Variants in CNTNAP2 observed in about 807,000 individuals in gnomAD.
CNTNAP2 encodes the protein contactin-associated protein-like 2.
A neutral mutation model predicts 155.2 loss-of-function variants in CNTNAP2; 98 were observed. That is an observed-to-expected ratio of 0.63 (90% CI 0.54 to 0.75). The LOEUF is 0.75. Among genes scored for constraint, CNTNAP2 ranks in the 30% least tolerant of loss-of-function variants. The probability of loss-of-function intolerance (pLI) is 0.00; values close to 1 mark genes in which losing one functional copy is unlikely to be tolerated. For synonymous variants in CNTNAP2, 651 were observed against 631.2 expected (o/e 1.03, Z -0.47); for missense variants, 1,727 against 1,688.1 (o/e 1.02, Z -0.40).
At chr7:148,006,316 CTTTTTT>C (rs68011639) in intron 15 of CNTNAP2, among the ~76,000 whole-genome samples, 6,078 of 119,024 alleles carry the variant, frequency 0.051, 272 homozygotes, top group East Asian at 0.27. Context: ...ATAGGAAGTT[CTTTTTT>C]TTTTTTTTTT....
intron 4 of CNTNAP2, among the ~76,000 whole-genome samples, chr7:147,073,100 C>T (rs1012892066): frequency 5.5e-5 from 8 of 145,192 alleles, no homozygotes; most frequent in African/African-American, 1.6e-4. Flanking sequence ...GATCCACCCG[C>T]CTCGGCCTCC....
At chr7:147,191,769 C>A (rs1802684313) in intron 8 of CNTNAP2, among the ~76,000 whole-genome samples, 1 of 152,086 alleles carries the variant, frequency 6.6e-6, no homozygotes, top group Non-Finnish European at 1.5e-5. Context: ...AGTCTCCAAA[C>A]CCTTCACGAA....
At chr7:147,731,133 T>G (rs6965796) in intron 13 of CNTNAP2, among the ~76,000 whole-genome samples, 1 of 152,038 alleles carries the variant, frequency 6.6e-6, no homozygotes, top group African/African-American at 2.4e-5. Context: ...ATGTAGAAGC[T>G]GCAACAAGTT....
chr7:146,989,597 AT>A (rs1402692716), intron 3 of CNTNAP2, among the ~76,000 whole-genome samples: 1 of 152,130 alleles, frequency 6.6e-6, no homozygotes, highest in Non-Finnish European at 1.5e-5. Context: ...ATGATTTTAA[AT>A]TTCCAAATCT....
intron 11 of CNTNAP2, among the ~76,000 whole-genome samples, chr7:147,553,962 A>C (rs911459027): frequency 6.6e-6 from 1 of 152,170 alleles, no homozygotes; most frequent in Admixed American, 6.5e-5. Flanking sequence ...CTCTATCTCA[A>C]AAGAAAAGAA....
chr7:146,767,148 T>C (rs1802209894), intron 1 of CNTNAP2, among the ~76,000 whole-genome samples: 1 of 152,170 alleles, frequency 6.6e-6, no homozygotes, highest in Non-Finnish European at 1.5e-5. Context: ...GTGAACTTAT[T>C]TGTAGACTCT....
intron 1 of CNTNAP2, among the ~76,000 whole-genome samples, chr7:146,578,318 G>T (rs983410385): frequency 6.6e-6 from 1 of 151,960 alleles, no homozygotes; most frequent in African/African-American, 2.4e-5. Flanking sequence ...ATTCAATTTT[G>T]CTCAGAGAAC....
intron 15 of CNTNAP2, among the ~76,000 whole-genome samples, chr7:148,004,276 T>C (rs1179571932): frequency 1.3e-5 from 2 of 152,200 alleles, no homozygotes; most frequent in Non-Finnish European, 1.5e-5. Context: ...TAGTATGTGA[T>C]TAAGCCTTCT....
At chr7:146,532,141 G>T (rs1797779683) in intron 1 of CNTNAP2, among the ~76,000 whole-genome samples, 1 of 151,494 alleles carries the variant, frequency 6.6e-6, no homozygotes, top group Non-Finnish European at 1.5e-5. Flanking sequence ...AATGAGGAGA[G>T]AAATGAAAAT....
chr7:148,045,987 A>G lies in CNTNAP2; in HGVS notation c.2383+67998A>G, dbSNP rs183759961. Among the ~76,000 whole-genome samples the G allele has an allele frequency of 1.0e-3, 155 of 152,392 alleles. 1 individual carries two copies. Among genetic ancestry groups the G allele is most frequent in the Middle Eastern group, 3.4e-3 (1 of 294 alleles). On this transcript the variant is annotated intron_variant, in intron 15 of 23. Coordinates refer to ENST00000361727, the MANE Select transcript of CNTNAP2 (RefSeq NM_014141.6). Reference sequence around the variant, plus strand: ...TGTGAAAACACATAAGTAATTACATAATACATTATGATCAAAATTAGATAC... The same window carrying G: ...TGTGAAAACACATAAGTAATTACATGATACATTATGATCAAAATTAGATAC...
intron 1 of CNTNAP2, among the ~76,000 whole-genome samples, chr7:146,389,703 C>CTTTTTTTTTTTTTTTTTTTT (rs750823074): frequency 3.1e-5 from 4 of 128,998 alleles, no homozygotes; most frequent in Non-Finnish European, 5.0e-5. Flanking sequence ...TTTCTTTTTT[C>CTTTTTTTTTTTTTTTTTTTT]TTTTTTTTTT....
chr7:147,148,036 A>G (rs1374373865), intron 8 of CNTNAP2, among the ~76,000 whole-genome samples: 2 of 152,224 alleles, frequency 1.3e-5, no homozygotes, highest in African/African-American at 4.8e-5. Context: ...GTATAGATAA[A>G]TACATAAAAC....
chr7:146,344,534 C>T lies in CNTNAP2; in HGVS notation c.97+227561C>T, dbSNP rs972854343. On this transcript the variant is annotated intron_variant, in intron 1 of 23. Coordinates refer to ENST00000361727, the MANE Select transcript of CNTNAP2 (RefSeq NM_014141.6). ...TCACTTTGTAGCCCAGGCTGGAGTT[C>T]AATGGCATGATCTCGGCTCACTTCA... Among the ~76,000 whole-genome samples the T allele has an allele frequency of 4.9e-5, 7 of 143,458 alleles. No individual in the cohort carries two copies. The East Asian group carries it at 1.2e-3, about 25-fold the overall frequency. 94.1% of individuals were successfully genotyped at this position (143,458 alleles called of 152,430 possible).
At position 147,616,614 on chromosome 7, in the gene CNTNAP2, T is replaced by C. The variant is rs1801298757; in HGVS notation, c.1898-22492T>C. On this transcript the variant is annotated intron_variant, in intron 12 of 23. Transcript: ENST00000361727. ...CATATCATTCCGAAATTTGCTCAAA[T>C]ATTAGGATCTCCCTTACCAATCTGC... Among the ~76,000 whole-genome samples, 5 of 152,324 alleles carry C rather than the reference T, an allele frequency of 3.3e-5. No homozygotes were observed. The South Asian group carries it at 1.0e-3, about 32-fold the overall frequency.
chr7:146,791,142 C>T (rs1410070999), intron 2 of CNTNAP2, among the ~76,000 whole-genome samples: 1 of 151,820 alleles, frequency 6.6e-6, no homozygotes, highest in Non-Finnish European at 1.5e-5. Context: ...TCCCTGTGTC[C>T]ATGTGTTCTC....
At chr7:147,076,574 T>G (rs978633636) in intron 4 of CNTNAP2, among the ~76,000 whole-genome samples, 1 of 152,224 alleles carries the variant, frequency 6.6e-6, no homozygotes, top group Non-Finnish European at 1.5e-5. Context: ...AATAAATTTC[T>G]AAGTGAAATC....
intron 1 of CNTNAP2, among the ~76,000 whole-genome samples, chr7:146,620,828 T>C (rs1799304974): frequency 6.6e-6 from 1 of 152,204 alleles, no homozygotes; most frequent in Admixed American, 6.5e-5. Context: ...TCTGCTTTTT[T>C]ACTTTCTTTC....
intron 12 of CNTNAP2, among the ~76,000 whole-genome samples, chr7:147,581,134 T>C (rs1192393229): frequency 1.3e-5 from 2 of 152,196 alleles, no homozygotes; most frequent in Non-Finnish European, 2.9e-5. Flanking sequence ...GAGTCAACCA[T>C]TATTAAGCAG....
Position 146,558,188 on chromosome 7 carries a change from C to T in CNTNAP2, c.98-216083C>T, listed in dbSNP as rs139463436. ...TGTGGACATTCATAGCCTGAGGCAC[C>T]GGGGTGAAGAGTGGAAGTGACACTC... is the stretch of plus-strand genomic sequence containing the variant. On this transcript the variant is annotated intron_variant, in intron 1 of 23. Transcript: ENST00000361727. 6.9e-3 allele frequency among the ~76,000 whole-genome samples: 1,046 copies of T among 152,134 alleles called. 17 individuals carry two copies. The highest frequency in any genetic ancestry group is 0.024 in the African/African-American group (980 of 41,496).
Sources: gnomAD v4.1 joint callset for allele counts (sites outside exome capture counted in the v4.1 genomes callset) on GRCh38, gnomAD v4.1.1 for gene constraint, MANE v1.5 for transcripts, NCBI Gene and HGNC (gene_info 2026-07-23, HGNC 2026-07-21) for gene names.